The following MYORG variants were observed in gnomAD, a reference collection of about 807,000 sequenced individuals.
The protein encoded by MYORG is myogenesis regulating glycosidase.
In MYORG, 45 loss-of-function variants were observed where a neutral mutation model predicts 49.8. The observed-to-expected ratio is 0.90, with a 90% CI of 0.71 to 1.16. The LOEUF (loss-of-function observed/expected upper bound fraction) is 1.16. MYORG is among the 50% of genes most tolerant of loss of function. The pLI, the probability that MYORG is intolerant of heterozygous loss-of-function variation, is 0.00. For synonymous variants in MYORG, 552 were observed against 462.9 expected, an observed-to-expected ratio of 1.19 and a Z score of -2.47; for missense variants, 1,110 against 1,026.5, an observed-to-expected ratio of 1.08 and a Z score of -1.11.
In MYORG at chr9:34,370,788, C is replaced by CCAG; in HGVS notation, c.*10_*11insCTG. On this transcript the variant is annotated 3_prime_UTR_variant, in exon 2 of 2. Transcript: ENST00000297625. ...ACTGGGGGCTTTGCGGTTACCGGGC[C>CCAG]CTGGGCTGGGTCAGGACGCCCAGGT... The CCAG allele has an allele frequency of 6.4e-7, 1 of 1,560,466 alleles. No homozygotes were observed. Among genetic ancestry groups the CCAG allele is most frequent in the East Asian group, 2.3e-5 (1 of 44,052 alleles).
Position 34,372,996 on chromosome 9 carries a change from C to T in MYORG, c.-53G>A. 6.3e-7 allele frequency: 1 copy of T among 1,575,212 alleles called. No homozygotes were observed. The highest frequency in any genetic ancestry group is 2.2e-5 in the East Asian group (1 of 44,538). ...CGTGGGGCCATCTGACTGAGTTCAT[C>T]TCAACCTGCTCTGAAAGGAGGAGAC... On this transcript the variant is annotated 5_prime_UTR_variant, in exon 2 of 2. Coordinates refer to ENST00000297625, the MANE Select transcript of MYORG (RefSeq NM_020702.5).
intron 1 of MYORG, among the ~76,000 whole-genome samples, chr9:34,373,209 T>C (rs1322202071): frequency 6.6e-6 from 1 of 152,080 alleles, no homozygotes; most frequent in Non-Finnish European, 1.5e-5. Flanking sequence ...TTGCCCAAAT[T>C]AGGACTCTGT....
rs1820604925 is a variant in MYORG, at chr9:34,371,721, C to G, written c.1223G>C (p.Arg408Pro). 6.2e-7 allele frequency: 1 copy of G among 1,611,812 alleles called. No homozygotes were observed. Among genetic ancestry groups the G allele is most frequent in the Non-Finnish European group, 8.5e-7 (1 of 1,179,070 alleles). Residue 408 changes from arginine to proline, a missense_variant, in exon 2 of 2, where the codon CGC becomes CCC. Arg to Pro is a moderately radical substitution (Grantham distance 103). Coordinates refer to ENST00000297625, the MANE Select transcript of MYORG (RefSeq NM_020702.5). The stretch of plus-strand genomic sequence containing the variant: ...CGTGGGTTCGCGCACGAACAGCTCG[C>G]GCTCCACGCCCTCGCCGAAGCGCGA... ...NSSRFGEGVE[R>P]ELFVREPTGR...
Position 34,372,912 on chromosome 9 carries a change from G to A in MYORG, c.32C>T (p.Ala11Val), listed in dbSNP as rs749573561. 7.3e-5 allele frequency: 118 copies of A among 1,613,860 alleles called. No homozygotes were observed. The highest frequency in any genetic ancestry group is 3.3e-4 in the Middle Eastern group (2 of 6,062). Residue 11 changes from alanine (A) to valine (V), a missense_variant, in exon 2 of 2, where the codon GCC becomes GTC. Physicochemically the swap from Ala to Val is moderately conservative, Grantham distance 64 (BLOSUM62 0). Coordinates refer to ENST00000297625, the MANE Select transcript of MYORG (RefSeq NM_020702.5). The part of the protein sequence containing the change: MLQNPQEKSQ[A>V]YPRRRRPGCY... Reference sequence around the variant, plus strand: ...GCCAGGCCGGCGGCGGCGGGGGTAGGCCTGGCTCTTCTCCTGAGGGTTCTG... The same window carrying A: ...GCCAGGCCGGCGGCGGCGGGGGTAGACCTGGCTCTTCTCCTGAGGGTTCTG...
rs1286077688 is a variant in MYORG at position 34,371,988 on chromosome 9, G to A, written c.956C>T (p.Ser319Phe). 6.2e-7 allele frequency: 1 copy of A among 1,614,022 alleles called. No individual in the cohort carries two copies. The highest frequency in any genetic ancestry group is 8.5e-7 in the Non-Finnish European group (1 of 1,179,890). Reference protein sequence around the residue: ...APEAFRDPIWSTWALYGRAVD... With the variant: ...APEAFRDPIWFTWALYGRAVD... ...GGCGCGCCCGTACAGCGCCCATGTG[G>A]ACCAAATGGGGTCTCGGAAGGCCTC... Residue 319 changes from serine (S) to phenylalanine (F), a missense_variant, in exon 2 of 2, where the codon TCC becomes TTC. Ser to Phe is a radical substitution (Grantham distance 155). Coordinates refer to ENST00000297625, the MANE Select transcript of MYORG (RefSeq NM_020702.5).
In MYORG at chr9:34,372,015, G is replaced by A; in HGVS notation, c.929C>T (p.Pro310Leu). 6.2e-7 allele frequency: 1 copy of A among 1,614,016 alleles called. No homozygotes were observed. Among genetic ancestry groups the A allele is most frequent in the Non-Finnish European group, 8.5e-7 (1 of 1,179,890 alleles). Residue 310 changes from proline (P) to leucine (L), a missense_variant, in exon 2 of 2, where the codon CCC becomes CTC. Pro to Leu is a moderately conservative substitution (Grantham distance 98). Transcript: ENST00000297625. ...YFNKPSRVPA[P>L]EAFRDPIWST... is the part of the protein sequence containing the mutation. ...CCAAATGGGGTCTCGGAAGGCCTCG[G>A]GTGCTGGCACCCTTGACGGCTTGTT...
rs976902517 is a variant in MYORG at position 34,370,744 on chromosome 9, G to A, written c.*55C>T. The A allele has an allele frequency of 8.0e-6, 12 of 1,504,066 alleles. No homozygotes were observed. The Admixed American group carries it at 1.3e-4, about 16-fold the overall frequency. 93.2% of individuals were successfully genotyped at this position (1,504,066 alleles called of 1,614,324 possible). On this transcript the variant is annotated 3_prime_UTR_variant, in exon 2 of 2. Coordinates refer to ENST00000297625, the MANE Select transcript of MYORG (RefSeq NM_020702.5). ...GTACATGGTGCGGGTGTGACGGAGG[G>A]TTCAAGGTCTGCATGAAGACTGGGG...
rs1447201493 is a variant in MYORG, at chr9:34,369,059, G to A, written c.*1740C>T. 1 of 152,200 alleles carries A rather than the reference G, an allele frequency of 6.6e-6. No individual in the cohort carries two copies. Among genetic ancestry groups the A allele is most frequent in the African/African-American group, 2.4e-5 (1 of 41,442 alleles). 9.4% of individuals were successfully genotyped at this position (152,200 alleles called of 1,614,324 possible). ...GGGGAAACCTCTTATAAAATCATCAGCTCTCATGAGATCTATTCACTATCA... is the reference window on the plus strand; with the variant it reads ...GGGGAAACCTCTTATAAAATCATCAACTCTCATGAGATCTATTCACTATCA... On this transcript the variant is annotated 3_prime_UTR_variant, in exon 2 of 2. Coordinates refer to ENST00000297625, the MANE Select transcript of MYORG (RefSeq NM_020702.5).
In MYORG at chr9:34,371,888, G is replaced by A. The variant is rs371982066; in HGVS notation, c.1056C>T (p.Ile352=). The A allele has an allele frequency of 9.3e-6, 15 of 1,614,064 alleles. No individual in the cohort carries two copies. Among genetic ancestry groups the A allele is most frequent in the Middle Eastern group, 3.3e-4 (2 of 6,062 alleles). The change falls in exon 2 of 2, where the codon ATC becomes ATT. Residue 352 remains isoleucine, a synonymous_variant. Transcript: ENST00000297625. The part of the protein sequence containing the change: ...LHHFNSSHLE[I]DDMYTPAYGD... ...CATAAGCAGGTGTGTACATGTCGTCGATTTCCAGGTGGCTGCTGTTGAAGT... is the reference window on the plus strand; with the variant it reads ...CATAAGCAGGTGTGTACATGTCGTCAATTTCCAGGTGGCTGCTGTTGAAGT...
Position 34,373,029 on chromosome 9 carries a change from G to A in MYORG, c.-63-23C>T, listed in dbSNP as rs1820662415. 2.3e-5 allele frequency: 33 copies of A among 1,457,304 alleles called. No individual in the cohort carries two copies. In the South Asian group the frequency reaches 4.1e-4, roughly 18 times the overall value. 90.3% of individuals were successfully genotyped at this position (1,457,304 alleles called of 1,614,324 possible). On this transcript the variant is annotated intron_variant, in intron 1 of 1. Transcript: ENST00000297625. ...GCTCTGAAAGGAGGAGACAGAGATG[G>A]AACTGAGCTATCTCATCCCATGATA...
In MYORG at chr9:34,372,072, G is replaced by A. The variant is rs1820616143; in HGVS notation, c.872C>T (p.Ser291Phe). ...GCGACGCACCATGTACTTGTGGATG[G>A]AGGTGACGTCTGAGCCCACGCACAC... ...YRVCVGSDVT[S>F]IHKYMVRRYF... Residue 291 changes from serine (S) to phenylalanine (F), a missense_variant, in exon 2 of 2, where the codon TCC becomes TTC. Coordinates refer to ENST00000297625, the MANE Select transcript of MYORG (RefSeq NM_020702.5). 1.2e-6 allele frequency: 2 copies of A among 1,613,586 alleles called. No homozygotes were observed. Among genetic ancestry groups the A allele is most frequent in the Non-Finnish European group, 1.7e-6 (2 of 1,179,870 alleles).
At position 34,372,479 on chromosome 9, in the gene MYORG, C is replaced by G. The variant is rs760898997; in HGVS notation, c.465G>C (p.Thr155=). ...CCCAGCGCACGCGGTAGCACATGAC[C>G]GTGTCCTTGGGCCGCACAGTCTGGA... ...FFIQTVRPKD[T]VMCYRVRWEE... The change falls in exon 2 of 2, where the codon ACG becomes ACC. Residue 155 remains threonine (T), a synonymous_variant. Coordinates refer to ENST00000297625, the MANE Select transcript of MYORG (RefSeq NM_020702.5). The G allele has an allele frequency of 2.5e-6, 4 of 1,596,786 alleles. No homozygotes were observed. The highest frequency in any genetic ancestry group is 2.6e-6 in the Non-Finnish European group (3 of 1,172,858).
In MYORG at chr9:34,367,029, AC is replaced by A. The variant is rs1217201476; in HGVS notation, c.*3769del. On this transcript the variant is annotated 3_prime_UTR_variant, in exon 2 of 2. Coordinates refer to ENST00000297625, the MANE Select transcript of MYORG (RefSeq NM_020702.5). The stretch of plus-strand genomic sequence containing the variant: ...GAAGAAAAAGAGGTTTAATGAACTC[AC>A]AGTTCCATGTGGCTGGGAGGCCTCA... 6.5e-6 allele frequency: 1 copy of A among 152,834 alleles called. No individual in the cohort carries two copies. The highest frequency in any genetic ancestry group is 2.4e-5 in the African/African-American group (1 of 41,476). 9.5% of individuals were successfully genotyped at this position (152,834 alleles called of 1,614,324 possible). A position where few individuals can be genotyped will look rare whatever the true frequency, so the allele number is the denominator to read the frequency against.
intron 1 of MYORG, among the ~76,000 whole-genome samples, chr9:34,375,593 C>T (rs1054069898): frequency 6.6e-6 from 1 of 152,194 alleles, no homozygotes; most frequent in Non-Finnish European, 1.5e-5. Context: ...AAGCCCTATT[C>T]TGGGCACCAA....
At position 34,366,854 on chromosome 9, in the gene MYORG, TAGAATC is replaced by T. The variant is rs1180710177; in HGVS notation, c.*3939_*3944del. ...GGTCACAGAGCTGGTAGATAAGTGA[TAGAATC>T]AGCACTTGAGTTGTGCATCTGTGAG... is the stretch of plus-strand genomic sequence containing the variant. On this transcript the variant is annotated 3_prime_UTR_variant, in exon 2 of 2. Coordinates refer to ENST00000297625, the MANE Select transcript of MYORG (RefSeq NM_020702.5). 1 of 152,178 alleles carries T rather than the reference TAGAATC, an allele frequency of 6.6e-6. No homozygotes were observed. The highest frequency in any genetic ancestry group is 1.9e-4 in the East Asian group (1 of 5,200). The allele number at this position is 152,178 out of a possible 1,614,324, so 9.4% of individuals were successfully genotyped here.
rs752769476 is a variant in MYORG at position 34,372,844 on chromosome 9, C to T, written c.100G>A (p.Ala34Thr). ...RQNPEAIAAA[A>T]MYTFLPDNFS... Reference sequence around the variant, plus strand: ...TTGTCGGGCAGGAAGGTGTACATAGCTGCGGCTGCGATGGCCTCGGGGTTC... The same window carrying T: ...TTGTCGGGCAGGAAGGTGTACATAGTTGCGGCTGCGATGGCCTCGGGGTTC... Residue 34 changes from alanine to threonine, a missense_variant, in exon 2 of 2, where the codon GCT (alanine) becomes ACT (threonine). Transcript: ENST00000297625. 5 of 1,614,032 alleles carry T rather than the reference C, an allele frequency of 3.1e-6. No individual in the cohort carries two copies. The South Asian group carries it at 5.5e-5, about 18-fold the overall frequency.
rs1301862825 is a variant in MYORG, at chr9:34,372,586, G to C, written c.358C>G (p.Leu120Val). The change falls in exon 2 of 2, where the codon CTG (leucine) becomes GTG (valine). Residue 120 changes from leucine (L) to valine (V), a missense_variant. By Grantham distance (32) the Leu-to-Val change is conservative. Transcript: ENST00000297625. ...VFRLAFRSGALDLDSCSRDGA... is the reference protein window; with the variant it reads ...VFRLAFRSGAVDLDSCSRDGA... ...TCGCGGCTGCAGGAGTCAAGGTCCA[G>C]CGCGCCGGAGCGGAAGGCCAGGCGG... is the stretch of plus-strand genomic sequence containing the variant. 5 of 1,602,252 alleles carry C rather than the reference G, an allele frequency of 3.1e-6. No individual in the cohort carries two copies. The African/African-American group carries it at 5.4e-5, about 17-fold the overall frequency.
chr9:34,370,054 G>C lies in MYORG; in HGVS notation c.*745C>G, dbSNP rs901634280. 5.2e-5 allele frequency: 8 copies of C among 152,766 alleles called. No homozygotes were observed. In the East Asian group the frequency reaches 1.5e-3, roughly 29 times the overall value. The allele number at this position is 152,766 out of a possible 1,614,324, so 9.5% of individuals were successfully genotyped here. Reference sequence around the variant, plus strand: ...CACACACGCACACTCTTCAGTTAAGGCACGAAGTCTGGCCTGCATGGCCCT... The same window carrying C: ...CACACACGCACACTCTTCAGTTAAGCCACGAAGTCTGGCCTGCATGGCCCT... On this transcript the variant is annotated 3_prime_UTR_variant, in exon 2 of 2. Coordinates refer to ENST00000297625, the MANE Select transcript of MYORG (RefSeq NM_020702.5).
chr9:34,369,874 G>A lies in MYORG; in HGVS notation c.*925C>T, dbSNP rs1260504436. 6.6e-6 allele frequency: 1 copy of A among 152,212 alleles called. No individual in the cohort carries two copies. Among genetic ancestry groups the A allele is most frequent in the Non-Finnish European group, 1.5e-5 (1 of 68,090 alleles). 9.4% of individuals were successfully genotyped at this position (152,212 alleles called of 1,614,324 possible). A position where few individuals can be genotyped will look rare whatever the true frequency, so the allele number is the denominator to read the frequency against. Reference sequence around the variant, plus strand: ...TATTTATTTCCTACGAGAGTCCTGGGGAAACCGCCTGGGAGGAGGCTGGCT... The same window carrying A: ...TATTTATTTCCTACGAGAGTCCTGGAGAAACCGCCTGGGAGGAGGCTGGCT... On this transcript the variant is annotated 3_prime_UTR_variant, in exon 2 of 2. Transcript: ENST00000297625.
Sources: gnomAD v4.1 joint callset for allele counts (sites outside exome capture counted in the v4.1 genomes callset) on GRCh38, gnomAD v4.1.1 for gene constraint, MANE v1.5 for transcripts, NCBI Gene and HGNC (gene_info 2026-07-23, HGNC 2026-07-21) for gene names.